The following SLC2A13 variants were observed in gnomAD, a reference collection of about 807,000 sequenced individuals.
SLC2A13 encodes solute carrier family 2 member 13, also known as proton myo-inositol cotransporter.
Under a neutral mutation model 64.4 loss-of-function variants are expected in SLC2A13, and 32 were observed. That is an observed-to-expected ratio of 0.50 (90% CI 0.37 to 0.67). SLC2A13 has a LOEUF of 0.67. Ranked by LOEUF, SLC2A13 falls within the 30% of genes least tolerant of loss-of-function variation. SLC2A13 has a pLI of 0.00. For missense variants in SLC2A13, 743 were observed against 829.2 expected (o/e 0.90, Z 1.28); for synonymous variants, 338 against 327.1 (o/e 1.03, Z -0.36).
chr12:39,895,747 TATGCGTGTATACGTACAC>T (rs1944771431), intron 4 of SLC2A13, among the ~76,000 whole-genome samples: 2 of 115,768 alleles, frequency 1.7e-5, no homozygotes, highest in African/African-American at 3.2e-5. Context: ...CACACATGTA[TATGCGTGTATACGTACAC>T]ACATGTATAT....
chr12:39,895,047 GT>G (rs1430090337), intron 4 of SLC2A13, among the ~76,000 whole-genome samples: 1 of 151,994 alleles, frequency 6.6e-6, no homozygotes, highest in African/African-American at 2.4e-5. Flanking sequence ...GGAACTTTTT[GT>G]TTTTGAGATG....
At chr12:39,838,959 C>G (rs1943104028) in intron 6 of SLC2A13, among the ~76,000 whole-genome samples, 1 of 152,056 alleles carries the variant, frequency 6.6e-6, no homozygotes. Flanking sequence ...TCAATGGTGG[C>G]AAACACAGAT....
intron 7 of SLC2A13, among the ~76,000 whole-genome samples, chr12:39,821,580 AGTTATGCTTCT>A (rs1942511075): frequency 6.6e-6 from 1 of 152,184 alleles, no homozygotes; most frequent in African/African-American, 2.4e-5. Flanking sequence ...ACCTCAGGTC[AGTTATGCTTCT>A]GTTCCACATT....
intron 3 of SLC2A13, among the ~76,000 whole-genome samples, chr12:39,999,676 C>A (rs1947292774): frequency 1.3e-5 from 2 of 152,178 alleles, no homozygotes; most frequent in Non-Finnish European, 2.9e-5. Context: ...TCTGCTTTTG[C>A]CCTTTGCCTT....
chr12:39,922,203 G>T (rs1284573712), intron 4 of SLC2A13, among the ~76,000 whole-genome samples: 1 of 152,100 alleles, frequency 6.6e-6, no homozygotes, highest in Non-Finnish European at 1.5e-5. Context: ...ATACTAAAGA[G>T]AATCTTTTTA....
intron 1 of SLC2A13, among the ~76,000 whole-genome samples, chr12:40,092,139 A>T (rs1938790672): frequency 6.6e-6 from 1 of 152,338 alleles, no homozygotes; most frequent in Non-Finnish European, 1.5e-5. Flanking sequence ...GGTGGCAAGA[A>T]TGGTTTCACA....
intron 1 of SLC2A13, chr12:40,068,114 T>C (rs1292827275): frequency 1.6e-5 from 3 of 184,784 alleles, no homozygotes; most frequent in African/African-American, 7.2e-5. Flanking sequence ...CTCACTATGT[T>C]GCCCAGGGTG....
chr12:40,070,901 C>T (rs12823555), intron 1 of SLC2A13, among the ~76,000 whole-genome samples: 53,615 of 151,906 alleles, frequency 0.35, 9,651 homozygotes, highest in Non-Finnish European at 0.39. Context: ...TTAGGGCCAC[C>T]TTCGGAATAT....
At chr12:39,949,256 A>G (rs1946189335) in intron 4 of SLC2A13, among the ~76,000 whole-genome samples, 1 of 152,230 alleles carries the variant, frequency 6.6e-6, no homozygotes, top group Non-Finnish European at 1.5e-5. Context: ...ATATTAATTT[A>G]TGCAGGAAGT....
At chr12:39,834,629 AGT>A in intron 6 of SLC2A13, among the ~76,000 whole-genome samples, 1 of 152,130 alleles carries the variant, frequency 6.6e-6, no homozygotes, top group East Asian at 1.9e-4. Context: ...AGTATCAAAA[AGT>A]GTTCAATTTC....
At chr12:39,957,853 G>C (rs1441213945) in intron 3 of SLC2A13, among the ~76,000 whole-genome samples, 2 of 152,038 alleles carry the variant, frequency 1.3e-5, no homozygotes, top group Non-Finnish European at 2.9e-5. Context: ...TCCATGCTAG[G>C]GACAGAAACG....
At chr12:39,917,946 A>G (rs539729989) in intron 4 of SLC2A13, among the ~76,000 whole-genome samples, 3 of 152,134 alleles carry the variant, frequency 2.0e-5, no homozygotes, top group East Asian at 1.9e-4. Context: ...CCGTTTCTCA[A>G]TTATTCCAAA....
intron 3 of SLC2A13, among the ~76,000 whole-genome samples, chr12:39,981,848 C>A (rs1387878463): frequency 2.5e-4 from 28 of 110,572 alleles, no homozygotes; most frequent in Non-Finnish European, 4.7e-4. Flanking sequence ...CATTCTGATA[C>A]CAAAGCCGGG....
At chr12:40,075,556 TATA>T (rs1240795309) in intron 1 of SLC2A13, among the ~76,000 whole-genome samples, 2 of 152,178 alleles carry the variant, frequency 1.3e-5, no homozygotes, top group Admixed American at 6.6e-5. Flanking sequence ...GCAATTTGAT[TATA>T]ATATTATCTG....
intron 7 of SLC2A13, among the ~76,000 whole-genome samples, chr12:39,808,584 CCAACACT>C (rs201107468): frequency 0.016 from 2,370 of 152,248 alleles, 29 homozygotes; most frequent in South Asian, 0.04. Context: ...CACAACCTCA[CCAACACT>C]TGATATTTTG....
intron 1 of SLC2A13, among the ~76,000 whole-genome samples, chr12:40,054,469 T>C (rs1378776310): frequency 6.7e-6 from 1 of 149,978 alleles, no homozygotes; most frequent in Non-Finnish European, 1.5e-5. Context: ...TAACAGCTTA[T>C]TAGAGTAAAC....
intron 1 of SLC2A13, among the ~76,000 whole-genome samples, chr12:40,051,492 C>T (rs887106768): frequency 2.0e-5 from 3 of 152,022 alleles, no homozygotes; most frequent in Non-Finnish European, 4.4e-5. Flanking sequence ...GCTCTGTTCT[C>T]GTGGAGCTTA....
intron 7 of SLC2A13, among the ~76,000 whole-genome samples, chr12:39,813,373 A>G (rs991137911): frequency 1.4e-4 from 21 of 152,268 alleles, no homozygotes; most frequent in Admixed American, 7.2e-4. Flanking sequence ...GGATGTACCC[A>G]TAACAAACTT....
At chr12:39,779,311 C>T (rs1046149979) in intron 7 of SLC2A13, among the ~76,000 whole-genome samples, 1 of 152,204 alleles carries the variant, frequency 6.6e-6, no homozygotes, top group South Asian at 2.1e-4. Flanking sequence ...ACACTGCCAT[C>T]TGATTGCAGC....
Sources: allele counts gnomAD v4.1 joint callset (sites outside exome capture counted in the v4.1 genomes callset), GRCh38; gene constraint gnomAD v4.1.1; transcripts MANE v1.5; gene names NCBI Gene and HGNC (gene_info 2026-07-23, HGNC 2026-07-21).